Variants in DLG5 observed in about 807,000 individuals in gnomAD.
DLG5 encodes the protein discs large MAGUK scaffold protein 5, also known as disks large homolog 5.
Under a neutral mutation model 189.8 loss-of-function variants are expected in DLG5, and 48 were observed. That is an observed-to-expected ratio of 0.25 (90% CI 0.20 to 0.32). DLG5 has a LOEUF of 0.32. DLG5 is among the 10% of genes least tolerant of loss of function. The pLI, the probability that DLG5 is intolerant of heterozygous loss-of-function variation, is 1.00. For synonymous variants in DLG5, 1,016 were observed against 1,054.1 expected, an observed-to-expected ratio of 0.96 and a Z score of 0.70; for missense variants, 2,160 against 2,544.7, an observed-to-expected ratio of 0.85 and a Z score of 3.25.
chr10:77,827,291 T>C (rs1205459656), intron 13 of DLG5, among the ~76,000 whole-genome samples: 3 of 152,180 alleles, frequency 2.0e-5, no homozygotes, highest in Non-Finnish European at 4.4e-5. Flanking sequence ...AGTGGCGCGA[T>C]CTCGGCTCAC....
At chr10:77,797,196 C>A (rs1022492102) in intron 27 of DLG5, among the ~76,000 whole-genome samples, 3 of 152,200 alleles carry the variant, frequency 2.0e-5, no homozygotes, top group Non-Finnish European at 4.4e-5. Context: ...AAATAAACTG[C>A]CCATTATGCT....
intron 1 of DLG5, chr10:77,889,608 G>A (rs1008390564): frequency 6.6e-6 from 1 of 152,296 alleles, no homozygotes; most frequent in Non-Finnish European, 1.5e-5. Flanking sequence ...TCGAGTTACT[G>A]AGCTCCAGCA....
chr10:77,883,546 T>C (rs1046116413), intron 1 of DLG5, among the ~76,000 whole-genome samples: 9 of 151,154 alleles, frequency 6.0e-5, no homozygotes, highest in African/African-American at 2.2e-4. Flanking sequence ...AAGCCCAGAG[T>C]CACTAATTGG....
Position 77,821,474 on chromosome 10 carries a change from A to C in DLG5, c.3010T>G (p.Ser1004Ala). ...GPGPAHSPQP[S>A]KRAGPLTPPK... is the part of the protein sequence containing the mutation. ...GGTGTCAGAGGCCCCGCCCTCTTGG[A>C]GGGCTGGGGAGAGTGAGCAGGCCCA... The change falls in exon 15 of 32, where the codon TCC becomes GCC. Residue 1004 changes from serine to alanine, a missense_variant. Coordinates refer to ENST00000372391, the MANE Select transcript of DLG5 (RefSeq NM_004747.4). The C allele has an allele frequency of 6.2e-7, 1 of 1,612,008 alleles. No individual in the cohort carries two copies. The highest frequency in any genetic ancestry group is 8.5e-7 in the Non-Finnish European group (1 of 1,179,782).
At chr10:77,830,468 C>T in intron 10 of DLG5, 124 bp from the exon 11 acceptor site, 1 of 1,436,934 alleles carries the variant, frequency 7.0e-7, no homozygotes. Context: ...TGATAAGACA[C>T]TCCATCCCCA....
chr10:77,881,670 C>T (rs967320261), intron 1 of DLG5, among the ~76,000 whole-genome samples: 3 of 152,194 alleles, frequency 2.0e-5, no homozygotes, highest in African/African-American at 7.2e-5. Flanking sequence ...TTTCAGGAAG[C>T]TGTTTATGAT....
At chr10:77,840,013 C>T (rs1233692032) in intron 7 of DLG5, among the ~76,000 whole-genome samples, 1 of 152,220 alleles carries the variant, frequency 6.6e-6, no homozygotes, top group East Asian at 1.9e-4. Context: ...TTGCTTTGTG[C>T]AGGCACAATG....
At chr10:77,917,743 C>CT (rs1846405806) in intron 1 of DLG5, among the ~76,000 whole-genome samples, 3 of 152,246 alleles carry the variant, frequency 2.0e-5, no homozygotes, top group African/African-American at 4.8e-5. Flanking sequence ...ATACTTAATG[C>CT]TGGCTGGGCG....
chr10:77,864,821 C>T (rs1168166028), intron 2 of DLG5, among the ~76,000 whole-genome samples: 1 of 152,226 alleles, frequency 6.6e-6, no homozygotes, highest in Non-Finnish European at 1.5e-5. Flanking sequence ...TCAATGAGTA[C>T]ATGACTCCAG....
intron 1 of DLG5, among the ~76,000 whole-genome samples, chr10:77,896,082 C>T (rs1845749200): frequency 6.6e-6 from 1 of 152,002 alleles, no homozygotes; most frequent in Admixed American, 6.6e-5. Context: ...ATTGCTTGAA[C>T]CCAAGAGGCA....
rs148200124 is a variant in DLG5, at chr10:77,792,446, C to T, written c.5754G>A (p.Pro1918=). 57 of 1,613,998 alleles carry T rather than the reference C, an allele frequency of 3.5e-5. No individual in the cohort carries two copies. Among genetic ancestry groups the T allele is most frequent in the African/African-American group, 8.0e-5 (6 of 74,936 alleles). Residue 1918 remains proline (P), a synonymous_variant, in exon 32 of 32, where the codon CCG becomes CCA. Transcript: ENST00000372391. ...QNKVLWIPAC[P]L ...TCCACAGCACAGCATTCTCCTAGAG[C>T]GGGCAGGCTGGAATCCACAGGACTT...
At position 77,817,076 on chromosome 10, in the gene DLG5, A is replaced by C. The variant is rs780908883; in HGVS notation, c.3805T>G (p.Phe1269Val). ...ARLGSSSNLQ[F>V]KAERIKIPST... ...GGGATTTTAATGCGTTCCGCCTTGAACTGCAAGTTACTCGAAGAACCTATT... is the reference window on the plus strand; with the variant it reads ...GGGATTTTAATGCGTTCCGCCTTGACCTGCAAGTTACTCGAAGAACCTATT... The change falls in exon 19 of 32, where the codon TTC (phenylalanine) becomes GTC (valine). Residue 1269 changes from phenylalanine (F) to valine (V), a missense_variant. By Grantham distance (50) the Phe-to-Val change is conservative. Coordinates refer to ENST00000372391, the MANE Select transcript of DLG5 (RefSeq NM_004747.4). 6.2e-7 allele frequency: 1 copy of C among 1,614,110 alleles called. No individual in the cohort carries two copies. Among genetic ancestry groups the C allele is most frequent in the Admixed American group, 1.7e-5 (1 of 60,016 alleles).
intron 1 of DLG5, among the ~76,000 whole-genome samples, chr10:77,894,891 T>C (rs1056611683): frequency 6.6e-6 from 1 of 152,154 alleles, no homozygotes; most frequent in African/African-American, 2.4e-5. Context: ...CTTGTACCGG[T>C]CTCTGTTCCA....
rs368553206 is a variant in DLG5 at position 77,817,808 on chromosome 10, C to T, written c.3753G>A (p.Gly1251=). ...SDYSEMRATH[G]SNSLPSSARL... ...GGGCGCTGGAGGGCAGTGAGTTGGA[C>T]CCATGGGTGGCTCTCATCTCGGAGT... Residue 1251 remains glycine, a synonymous_variant, in exon 18 of 32, where the codon GGG becomes GGA. Coordinates refer to ENST00000372391, the MANE Select transcript of DLG5 (RefSeq NM_004747.4). The T allele has an allele frequency of 7.1e-6, 11 of 1,555,434 alleles. No individual in the cohort carries two copies. The highest frequency in any genetic ancestry group is 1.9e-5 in the Admixed American group (1 of 51,564).
chr10:77,899,625 GC>G (rs1444718267), intron 1 of DLG5, among the ~76,000 whole-genome samples: 1 of 152,144 alleles, frequency 6.6e-6, no homozygotes, highest in East Asian at 1.9e-4. Context: ...CCAGCTTTCT[GC>G]CCCTCTCCTC....
upstream of DLG5, chr10:77,929,051 T>G (rs1846763581): frequency 6.6e-6 from 1 of 151,842 alleles, no homozygotes; most frequent in Non-Finnish European, 1.5e-5. Flanking sequence ...AAAAACTTAT[T>G]TTTTGAGACA....
chr10:77,904,014 G>C (rs190155635), intron 1 of DLG5, among the ~76,000 whole-genome samples: 3 of 152,260 alleles, frequency 2.0e-5, no homozygotes, highest in Admixed American at 6.5e-5. Context: ...CAATTAAAAG[G>C]CTGCTCTAAG....
At chr10:77,803,577 A>G (rs999710508) in intron 27 of DLG5, among the ~76,000 whole-genome samples, 1 of 152,228 alleles carries the variant, frequency 6.6e-6, no homozygotes, top group Non-Finnish European at 1.5e-5. Context: ...ACATTCCTGG[A>G]GATCAAGAAG....
chr10:77,809,437 C>G, intron 24 of DLG5, 110 bp downstream of exon 24: 1 of 1,257,904 alleles, frequency 7.9e-7, no homozygotes, highest in East Asian at 2.4e-5. Context: ...CCCTGACTGG[C>G]TCACCAGATG....
Sources: gnomAD v4.1 joint callset for allele counts (sites outside exome capture counted in the v4.1 genomes callset) on GRCh38, gnomAD v4.1.1 for gene constraint, MANE v1.5 for transcripts, NCBI Gene and HGNC (gene_info 2026-07-23, HGNC 2026-07-21) for gene names.